The following QSER1 variants were observed in gnomAD, a reference collection of about 807,000 sequenced individuals.
The protein encoded by QSER1 is glutamine and serine-rich protein 1.
Under a neutral mutation model 158.5 loss-of-function variants are expected in QSER1, and 49 were observed. The observed-to-expected ratio is 0.31, with a 90% confidence interval of 0.25 to 0.39. The LOEUF is 0.39. QSER1 is among the 10% of genes least tolerant of loss of function. The pLI is 1.00. For synonymous variants in QSER1, 650 were observed against 715.5 expected, an observed-to-expected ratio of 0.91 and a Z score of 1.46; for missense variants, 1,754 against 2,010.3, an observed-to-expected ratio of 0.87 and a Z score of 2.44.
chr11:32,917,784 T>C (rs1851851855), intron 1 of QSER1, among the ~76,000 whole-genome samples: 1 of 131,196 alleles, frequency 7.6e-6, no homozygotes, highest in African/African-American at 2.8e-5. Flanking sequence ...ATCGTGCCAT[T>C]GCACTCCAGC....
At chr11:32,969,490 C>T (rs1852811491) in intron 10 of QSER1, among the ~76,000 whole-genome samples, 1 of 151,984 alleles carries the variant, frequency 6.6e-6, no homozygotes, top group African/African-American at 2.4e-5. Context: ...CTCATTTATT[C>T]AATATCAGAG....
At chr11:32,919,552 C>T (rs933553368) in intron 1 of QSER1, among the ~76,000 whole-genome samples, 1 of 152,190 alleles carries the variant, frequency 6.6e-6, no homozygotes, top group Non-Finnish European at 1.5e-5. Flanking sequence ...GTGGTACATA[C>T]TATCAACGTG....
At chr11:32,913,138 CCTT>C (rs1327630141) in intron 1 of QSER1, among the ~76,000 whole-genome samples, 3 of 147,034 alleles carry the variant, frequency 2.0e-5, no homozygotes, top group South Asian at 4.3e-4. Flanking sequence ...CTTCTTGGAA[CCTT>C]CTTTTCTTTT....
chr11:32,948,477 CAGTT>C (rs1564940540), intron 4 of QSER1, among the ~76,000 whole-genome samples: 1 of 151,960 alleles, frequency 6.6e-6, no homozygotes, highest in Non-Finnish European at 1.5e-5. Flanking sequence ...AACAAAAAAA[CAGTT>C]AGGTGGGCAT....
In QSER1 at chr11:32,893,610, C is replaced by G. The variant is rs1193720764; in HGVS notation, c.209+276C>G. On this transcript the variant is annotated intron_variant, in intron 1 of 12. Transcript: ENST00000650167. The surrounding 1 kb of genome is among the most constrained non-coding windows in gnomAD (Gnocchi z 4.7). The stretch of plus-strand genomic sequence containing the variant: ...CGTCACCTCTTGGGTCCTGGGCTCT[C>G]ACATGGTGAAGTTTGGGCTCGTGGC... 6.6e-6 allele frequency among the ~76,000 whole-genome samples: 1 copy of G among 152,122 alleles called. No homozygotes were observed. Among genetic ancestry groups the G allele is most frequent in the Non-Finnish European group, 1.5e-5 (1 of 68,018 alleles).
At chr11:32,917,490 T>C (rs1467712539) in intron 1 of QSER1, among the ~76,000 whole-genome samples, 3 of 152,170 alleles carry the variant, frequency 2.0e-5, no homozygotes, top group Admixed American at 1.3e-4. Flanking sequence ...TAACTTAATG[T>C]CAAATGTAAT....
intron 1 of QSER1, among the ~76,000 whole-genome samples, chr11:32,923,117 A>C (rs1851919513): frequency 6.6e-6 from 1 of 152,226 alleles, no homozygotes; most frequent in Admixed American, 6.5e-5. Flanking sequence ...CTCAGCAATA[A>C]AAAGGAATGA....
At chr11:32,929,666 A>T (rs1852019870) in intron 3 of QSER1, among the ~76,000 whole-genome samples, 1 of 152,188 alleles carries the variant, frequency 6.6e-6, no homozygotes, top group African/African-American at 2.4e-5. Context: ...CATTAGTTGG[A>T]AGAAGGTATT....
chr11:32,957,431 G>A (rs1368403433), intron 7 of QSER1, among the ~76,000 whole-genome samples: 2 of 152,072 alleles, frequency 1.3e-5, no homozygotes, highest in Non-Finnish European at 2.9e-5. Context: ...ATGAGCCACC[G>A]CGCCGCATTT....
intron 10 of QSER1, among the ~76,000 whole-genome samples, chr11:32,971,955 C>T (rs547394109): frequency 4.0e-5 from 6 of 150,690 alleles, no homozygotes; most frequent in African/African-American, 1.2e-4. Flanking sequence ...CCCAGCTACT[C>T]GGGAGGCTGA....
chr11:32,976,697 G>A lies in QSER1; in HGVS notation c.*223G>A. 2.3e-6 allele frequency: 1 copy of A among 440,676 alleles called. No individual in the cohort carries two copies. The highest frequency in any genetic ancestry group is 4.0e-6 in the Non-Finnish European group (1 of 249,306). 27.3% of individuals were successfully genotyped at this position (440,676 alleles called of 1,614,324 possible). On this transcript the variant is annotated 3_prime_UTR_variant, in exon 13 of 13. Coordinates refer to ENST00000650167, the MANE Select transcript of QSER1 (RefSeq NM_001076786.3). ...CCACCACATTTTTACCCTAATGAATGATTTTTCTATTTTGTAAACCATTGG... is the reference window on the plus strand; with the variant it reads ...CCACCACATTTTTACCCTAATGAATAATTTTTCTATTTTGTAAACCATTGG...
In QSER1 at chr11:32,954,118, A is replaced by G; in HGVS notation, c.4439A>G (p.Glu1480Gly). ...GAGGAGGACACAGAAAGCGGAGGAG[A>G]AGGCCAATACAGAGAGCGTGATGAA... The part of the protein sequence containing the change: ...TDEEDTESGG[E>G]GQYRERDEFV... The change falls in exon 5 of 13, where the codon GAA (glutamate) becomes GGA (glycine). Residue 1480 changes from glutamate (E) to glycine (G), a missense_variant. Glu to Gly is a moderately conservative substitution (Grantham distance 98, BLOSUM62 -2). Coordinates refer to ENST00000650167, the MANE Select transcript of QSER1 (RefSeq NM_001076786.3). The G allele has an allele frequency of 6.2e-7, 1 of 1,614,046 alleles. No homozygotes were observed. Among genetic ancestry groups the G allele is most frequent in the Non-Finnish European group, 8.5e-7 (1 of 1,180,018 alleles).
At chr11:32,917,038 C>T (rs1367650360) in intron 1 of QSER1, among the ~76,000 whole-genome samples, 2 of 152,192 alleles carry the variant, frequency 1.3e-5, no homozygotes, top group African/African-American at 4.8e-5. Flanking sequence ...CCACCCACCT[C>T]GGCCTCCCGC....
intron 8 of QSER1, among the ~76,000 whole-genome samples, chr11:32,965,986 C>CACACACACACACACA (rs3060620): frequency 6.7e-6 from 1 of 149,608 alleles, no homozygotes; most frequent in Admixed American, 6.7e-5. Flanking sequence ...CACACACACA[C>CACACACACACACACA]GAATCACCTA....
Position 32,932,024 on chromosome 11 carries a change from A to C in QSER1, c.766A>C (p.Ile256Leu). The change falls in exon 4 of 13, where the codon ATA becomes CTA. Residue 256 changes from isoleucine (I) to leucine (L), a missense_variant. Ile to Leu is a conservative substitution (Grantham distance 5). Transcript: ENST00000650167. ...GGGCAGTTCTGTATTAAGTAACAGCATACCACCTCAGTCTTCAACATACCG... is the reference window on the plus strand; with the variant it reads ...GGGCAGTTCTGTATTAAGTAACAGCCTACCACCTCAGTCTTCAACATACCG... ...RLGSSVLSNS[I>L]PPQSSTYRSA... 1 of 1,614,246 alleles carries C rather than the reference A, an allele frequency of 6.2e-7. No homozygotes were observed. The highest frequency in any genetic ancestry group is 8.5e-7 in the Non-Finnish European group (1 of 1,180,042).
intron 2 of QSER1, 104 bp downstream of exon 2, chr11:32,927,373 C>T (rs1198212668): frequency 4.6e-5 from 7 of 152,622 alleles, no homozygotes; most frequent in African/African-American, 1.7e-4. Flanking sequence ...AGGACATACT[C>T]ATGCCATGGG....
intron 4 of QSER1, among the ~76,000 whole-genome samples, chr11:32,936,844 G>T (rs965253237): frequency 3.9e-5 from 6 of 152,172 alleles, no homozygotes; most frequent in Admixed American, 2.0e-4. Flanking sequence ...TTACGAGACA[G>T]CTGGTATCCA....
In QSER1 at chr11:32,935,186, A is replaced by C. The variant is rs1426610161; in HGVS notation, c.3928A>C (p.Thr1310Pro). Reference protein sequence around the residue: ...RMPNRTRRPGTQMVRTFCPPP... With the variant: ...RMPNRTRRPGPQMVRTFCPPP... The stretch of plus-strand genomic sequence containing the variant: ...GCCTAACAGGACTAGACGGCCAGGG[A>C]CCCAGATGGTTCGTACATTTTGTCC... The change falls in exon 4 of 13, where the codon ACC becomes CCC. Residue 1310 changes from threonine (T) to proline (P), a missense_variant. By Grantham distance (38) the Thr-to-Pro change is conservative. Transcript: ENST00000650167. 1 of 1,614,054 alleles carries C rather than the reference A, an allele frequency of 6.2e-7. No homozygotes were observed. Among genetic ancestry groups the C allele is most frequent in the East Asian group, 2.2e-5 (1 of 44,890 alleles).
chr11:32,961,536 T>G (rs1481738420), intron 8 of QSER1, among the ~76,000 whole-genome samples: 2 of 152,200 alleles, frequency 1.3e-5, no homozygotes, highest in Non-Finnish European at 2.9e-5. Context: ...ATTATTTACA[T>G]TCACACTGTT....
Sources: gnomAD v4.1 joint callset for allele counts (sites outside exome capture counted in the v4.1 genomes callset) on GRCh38, gnomAD v4.1.1 for gene constraint, Gnocchi (gnomAD v3.1) non-coding constraint, MANE v1.5 for transcripts, NCBI Gene and HGNC (gene_info 2026-07-23, HGNC 2026-07-21) for gene names.